SYT9: variants seen among roughly 807,000 people sequenced by gnomAD.
SYT9 encodes the protein synaptotagmin 9.
Under a neutral mutation model 48.4 loss-of-function variants are expected in SYT9, and 22 were observed. That is an observed-to-expected ratio of 0.45 (90% confidence interval 0.32 to 0.65). The LOEUF (loss-of-function observed/expected upper bound fraction) is 0.65, where lower values mean the gene tolerates loss of function less well. SYT9 is among the 30% of genes least tolerant of loss of function. The probability of loss-of-function intolerance (pLI) is 0.03; values close to 1 mark genes in which losing one functional copy is unlikely to be tolerated. For missense variants in SYT9, 577 were observed against 622.0 expected, an observed-to-expected ratio of 0.93 and a Z score of 0.77; for synonymous variants, 265 against 245.0, an observed-to-expected ratio of 1.08 and a Z score of -0.76.
At chr11:7,276,600 A>T (rs1848397851) in intron 1 of SYT9, among the ~76,000 whole-genome samples, 1 of 152,108 alleles carries the variant, frequency 6.6e-6, no homozygotes, top group Non-Finnish European at 1.5e-5. Flanking sequence ...CTCCATTCTT[A>T]AGCTGTCCCC....
intron 3 of SYT9, among the ~76,000 whole-genome samples, chr11:7,399,557 G>T (rs1322314591): frequency 6.6e-6 from 1 of 152,222 alleles, no homozygotes; most frequent in African/African-American, 2.4e-5. Context: ...TGACCATGAG[G>T]CAGCAGAGAA....
intron 3 of SYT9, among the ~76,000 whole-genome samples, chr11:7,333,135 T>C (rs1171284261): frequency 6.6e-6 from 1 of 152,258 alleles, no homozygotes; most frequent in East Asian, 1.9e-4. Flanking sequence ...AGGGAAATTT[T>C]CCTTCAGATT....
chr11:7,437,409 C>T (rs1283696293), intron 6 of SYT9, among the ~76,000 whole-genome samples: 3 of 152,150 alleles, frequency 2.0e-5, no homozygotes, highest in African/African-American at 4.8e-5. Flanking sequence ...TAACGTGATG[C>T]ACTTTTTAAT....
At chr11:7,267,693 T>A (rs1848212146) in intron 1 of SYT9, among the ~76,000 whole-genome samples, 1 of 146,210 alleles carries the variant, frequency 6.8e-6, no homozygotes, top group Non-Finnish European at 1.5e-5. Context: ...GTAAAGCAAA[T>A]CAAAAGAGAA....
intron 3 of SYT9, among the ~76,000 whole-genome samples, chr11:7,316,585 T>C (rs973518578): frequency 2.0e-5 from 3 of 152,248 alleles, no homozygotes; most frequent in Non-Finnish European, 4.4e-5. Flanking sequence ...TCTGTGATTC[T>C]GAATAATATC....
intron 3 of SYT9, among the ~76,000 whole-genome samples, chr11:7,367,500 G>A (rs1303645752): frequency 6.6e-6 from 1 of 152,066 alleles, no homozygotes; most frequent in South Asian, 2.1e-4. Flanking sequence ...GCTTGCTAAT[G>A]TAATAGACGA....
rs1277660335 is a variant in SYT9, at chr11:7,252,059, C to T, written c.-128C>T. The T allele has an allele frequency of 5.3e-6, 6 of 1,130,724 alleles. No homozygotes were observed. Among genetic ancestry groups the T allele is most frequent in the Admixed American group, 8.5e-5 (2 of 23,510 alleles). The allele number at this position is 1,130,724 out of a possible 1,614,324, so 70.0% of individuals were successfully genotyped here. A position where few individuals can be genotyped will look rare whatever the true frequency, so the allele number is the denominator to read the frequency against. On this transcript the variant is annotated 5_prime_UTR_variant, in exon 1 of 7. Transcript: ENST00000318881. This position sits in a 1 kb window ranked among gnomAD's most constrained non-coding sequence, Gnocchi z 6.3. ...TGGGTCTGGGGCTCGGGCTCAGGCT[C>T]GCACCGTTTCTCGGCAGGTCCCTGG...
intron 1 of SYT9, among the ~76,000 whole-genome samples, chr11:7,269,372 T>C (rs1848254244): frequency 6.6e-6 from 1 of 152,136 alleles, no homozygotes; most frequent in Non-Finnish European, 1.5e-5. Context: ...TGATAATCAT[T>C]TTATCATCAG....
rs147497043 is a variant in SYT9, at chr11:7,303,718, G to A, written c.497+328G>A. ...CAGCAGAAGAAACTTAAGTCAAGGC[G>A]ATTAAATTTTTTAAAAAGCTGTATA... On this transcript the variant is annotated intron_variant, in intron 2 of 6. Transcript: ENST00000318881. Among the ~76,000 whole-genome samples, 391 of 152,276 alleles carry A rather than the reference G, an allele frequency of 2.6e-3. 3 individuals are homozygous for A. The highest frequency in any genetic ancestry group is 8.5e-3 in the African/African-American group (355 of 41,532).
chr11:7,379,994 T>C (rs961470953), intron 3 of SYT9, among the ~76,000 whole-genome samples: 6 of 152,306 alleles, frequency 3.9e-5, no homozygotes, highest in African/African-American at 1.4e-4. Context: ...TGCACTCTTA[T>C]GTTTGTTGCA....
intron 3 of SYT9, among the ~76,000 whole-genome samples, chr11:7,399,743 T>C (rs146329444): frequency 1.5e-4 from 23 of 149,614 alleles, no homozygotes; most frequent in Admixed American, 2.0e-4. Flanking sequence ...TGCATTGGGA[T>C]GTGCTAATGC....
rs149509049 is a variant in SYT9 at position 7,376,844 on chromosome 11, C to T, written c.1045-39198C>T. 1.7e-3 allele frequency among the ~76,000 whole-genome samples: 261 copies of T among 151,894 alleles called. 3 individuals carry two copies. Among genetic ancestry groups the T allele is most frequent in the Non-Finnish European group, 2.8e-3 (190 of 67,942 alleles). ...GCATACAGGGATGGAAAGTATCTTCCAGACTGATTTTTGACACTGGTGAAC... is the reference window on the plus strand; with the variant it reads ...GCATACAGGGATGGAAAGTATCTTCTAGACTGATTTTTGACACTGGTGAAC... On this transcript the variant is annotated intron_variant, in intron 3 of 6. Coordinates refer to ENST00000318881, the MANE Select transcript of SYT9 (RefSeq NM_175733.4).
chr11:7,377,814 G>A (rs1459357685), intron 3 of SYT9, among the ~76,000 whole-genome samples: 1 of 152,154 alleles, frequency 6.6e-6, no homozygotes. Context: ...TCCCCACTTG[G>A]GAATGGTATA....
intron 3 of SYT9, among the ~76,000 whole-genome samples, chr11:7,390,468 C>A (rs1034360375): frequency 6.6e-6 from 1 of 151,998 alleles, no homozygotes; most frequent in Non-Finnish European, 1.5e-5. Context: ...TTTTAAGAAA[C>A]GGTAGCAGTT....
At chr11:7,262,000 A>G (rs1042711090) in intron 1 of SYT9, among the ~76,000 whole-genome samples, 13 of 152,186 alleles carry the variant, frequency 8.5e-5, no homozygotes, top group South Asian at 4.1e-4. Flanking sequence ...AGCACATAGA[A>G]AACAGACTAT....
chr11:7,436,404 T>C (rs1000476964), intron 6 of SYT9, among the ~76,000 whole-genome samples: 2 of 152,328 alleles, frequency 1.3e-5, no homozygotes, highest in Admixed American at 1.3e-4. Flanking sequence ...GTATCTTCAG[T>C]AGGATTAACA....
At chr11:7,259,015 C>T (rs1032093816) in intron 1 of SYT9, among the ~76,000 whole-genome samples, 1 of 152,006 alleles carries the variant, frequency 6.6e-6, no homozygotes, top group East Asian at 1.9e-4. Context: ...TACAGGCTGC[C>T]AGTTCAATTT....
chr11:7,313,075 T>G (rs1849169746), intron 2 of SYT9, among the ~76,000 whole-genome samples: 1 of 152,216 alleles, frequency 6.6e-6, no homozygotes, highest in Non-Finnish European at 1.5e-5. Context: ...GTACAAATCT[T>G]TACATTCCAC....
At chr11:7,241,195 G>A (rs1277481841) in intron 1 of SYT9, among the ~76,000 whole-genome samples, 1 of 148,698 alleles carries the variant, frequency 6.7e-6, no homozygotes, top group African/African-American at 2.5e-5. Flanking sequence ...AGAAGGAAGA[G>A]GTGTTATTTA....
Sources: gnomAD v4.1 joint callset for allele counts (sites outside exome capture counted in the v4.1 genomes callset) on GRCh38, gnomAD v4.1.1 for gene constraint, Gnocchi (gnomAD v3.1) non-coding constraint, MANE v1.5 for transcripts, NCBI Gene and HGNC (gene_info 2026-07-23, HGNC 2026-07-21) for gene names.